The following RHOBTB1 variants were observed in gnomAD, a reference collection of about 807,000 sequenced individuals.
RHOBTB1 encodes the protein rho-related BTB domain-containing protein 1.
A neutral mutation model predicts 71.6 loss-of-function variants in RHOBTB1; 40 were observed. The observed-to-expected ratio is 0.56, with a 90% CI of 0.43 to 0.73. The LOEUF is 0.73. Ranked by LOEUF, RHOBTB1 falls within the 30% of genes least tolerant of loss-of-function variation. The pLI, the probability that RHOBTB1 is intolerant of heterozygous loss-of-function variation, is 0.00. For synonymous variants in RHOBTB1, 319 were observed against 334.9 expected (o/e 0.95, Z 0.52); for missense variants, 797 against 894.0 (o/e 0.89, Z 1.38).
chr10:60,993,698 T>C (rs2086947723), intron 1 of RHOBTB1, among the ~76,000 whole-genome samples: 1 of 152,216 alleles, frequency 6.6e-6, no homozygotes, highest in East Asian at 1.9e-4. Flanking sequence ...CTACGGTGTA[T>C]ATTTTATTAG....
At chr10:60,950,563 G>C (rs945112498) in intron 2 of RHOBTB1, among the ~76,000 whole-genome samples, 1 of 152,144 alleles carries the variant, frequency 6.6e-6, no homozygotes, top group African/African-American at 2.4e-5. Flanking sequence ...CACTAACTAG[G>C]ATGTAATTCT....
intron 2 of RHOBTB1, among the ~76,000 whole-genome samples, chr10:60,933,537 T>A (rs1404046783): frequency 1.3e-5 from 2 of 152,136 alleles, no homozygotes; most frequent in East Asian, 3.9e-4. Flanking sequence ...CTGGCCAACA[T>A]AGTGAAACTT....
intron 6 of RHOBTB1, among the ~76,000 whole-genome samples, chr10:60,887,385 T>C (rs1269376802): frequency 6.6e-6 from 1 of 152,132 alleles, no homozygotes; most frequent in Non-Finnish European, 1.5e-5. Context: ...TCCATATAAA[T>C]AGAAGTCAGG....
chr10:60,940,967 C>A (rs973053507), intron 2 of RHOBTB1, among the ~76,000 whole-genome samples: 2 of 152,162 alleles, frequency 1.3e-5, no homozygotes, highest in African/African-American at 4.8e-5. Context: ...AGGCCAGAGA[C>A]CCCACAATAA....
chr10:60,907,388 C>T (rs2082731618), intron 4 of RHOBTB1, among the ~76,000 whole-genome samples: 1 of 152,104 alleles, frequency 6.6e-6, no homozygotes, highest in South Asian at 2.1e-4. Context: ...GAGGCGCTTT[C>T]CTTGCCAAAA....
chr10:60,992,339 G>A (rs1430167048), intron 1 of RHOBTB1, among the ~76,000 whole-genome samples: 1 of 152,148 alleles, frequency 6.6e-6, no homozygotes, highest in East Asian at 1.9e-4. Flanking sequence ...TATGAAGGTA[G>A]TATTTTCCAA....
At chr10:60,893,706 C>A (rs2082032887) in intron 4 of RHOBTB1, among the ~76,000 whole-genome samples, 2 of 152,240 alleles carry the variant, frequency 1.3e-5, no homozygotes, top group Middle Eastern at 6.8e-3. Context: ...ACATGAGATA[C>A]AAAGCAGGTA....
intron 7 of RHOBTB1, among the ~76,000 whole-genome samples, chr10:60,884,534 C>A (rs1431264615): frequency 6.6e-6 from 1 of 152,148 alleles, no homozygotes; most frequent in Non-Finnish European, 1.5e-5. Flanking sequence ...AGGCTGTACT[C>A]CCATGTTAAC....
At chr10:60,978,585 G>A (rs1185786466) in intron 2 of RHOBTB1, among the ~76,000 whole-genome samples, 1 of 152,164 alleles carries the variant, frequency 6.6e-6, no homozygotes, top group African/African-American at 2.4e-5. Context: ...TAGCATGGCT[G>A]TGAGTCAGCA....
chr10:60,991,936 C>T lies in RHOBTB1; in HGVS notation c.-162-5991G>A, dbSNP rs149487925. Among the ~76,000 whole-genome samples, 293 of 152,236 alleles carry T rather than the reference C, an allele frequency of 1.9e-3. 1 individual carries two copies. Among genetic ancestry groups the T allele is most frequent in the African/African-American group, 6.6e-3 (276 of 41,520 alleles). ...GTCATTCTTTTATTGTCTGTCTTCC[C>T]CTTCTAGTCCATAGGCTAAATGGAG... On this transcript the variant is annotated intron_variant, in intron 1 of 11. Transcript: ENST00000357917.
chr10:60,997,048 C>T (rs1291249014), intron 1 of RHOBTB1, among the ~76,000 whole-genome samples: 1 of 141,778 alleles, frequency 7.1e-6, no homozygotes, highest in Non-Finnish European at 1.5e-5. Flanking sequence ...AGTCTAGTAG[C>T]CACAGCATGG....
intron 7 of RHOBTB1, among the ~76,000 whole-genome samples, chr10:60,878,705 G>A (rs941432137): frequency 6.6e-6 from 1 of 152,190 alleles, no homozygotes; most frequent in Non-Finnish European, 1.5e-5. Context: ...GTATGACTGG[G>A]TACAGGTGAA....
rs370519361 is a variant in RHOBTB1, at chr10:60,872,250, T to C, written c.1856A>G (p.His619Arg). 45 of 1,614,006 alleles carry C rather than the reference T, an allele frequency of 2.8e-5. No individual in the cohort carries two copies. The highest frequency in any genetic ancestry group is 3.7e-5 in the Non-Finnish European group (44 of 1,179,986). ...TACACTGTTGTAGTTGGTGCAGATG[T>C]GGTGCAAACACCAGGCGGCCAACTG... is the stretch of plus-strand genomic sequence containing the variant. ...AHQLAAWCLHHICTNYNSVCS... is the reference protein window; with the variant it reads ...AHQLAAWCLHRICTNYNSVCS... Residue 619 changes from histidine to arginine, a missense_variant, in exon 10 of 11, where the codon CAC becomes CGC. Transcript: ENST00000337910.
intron 1 of RHOBTB1, among the ~76,000 whole-genome samples, chr10:60,999,319 A>G (rs185714850): frequency 2.4e-4 from 36 of 152,382 alleles, no homozygotes; most frequent in African/African-American, 7.7e-4. Flanking sequence ...CATTAAGGTC[A>G]CAGCTTAACC....
intron 1 of RHOBTB1, among the ~76,000 whole-genome samples, chr10:60,992,385 A>T (rs2086898942): frequency 6.6e-6 from 1 of 152,214 alleles, no homozygotes; most frequent in South Asian, 2.1e-4. Context: ...GTATATATTG[A>T]ATAAGAGTCA....
At chr10:60,951,762 T>A (rs1331400714) in intron 2 of RHOBTB1, among the ~76,000 whole-genome samples, 1 of 147,582 alleles carries the variant, frequency 6.8e-6, no homozygotes, top group African/African-American at 2.7e-5. Flanking sequence ...TTGTTAATAA[T>A]GGTAAATGGT....
At chr10:60,866,588 G>A (rs1263697383), downstream of RHOBTB1, among the ~76,000 whole-genome samples, 1 of 151,970 alleles carries the variant, frequency 6.6e-6, no homozygotes, top group African/African-American at 2.4e-5. Context: ...TTCAAGAAAA[G>A]TAAGAAAAAA....
chr10:60,941,119 C>A (rs2084880860), intron 2 of RHOBTB1, among the ~76,000 whole-genome samples: 1 of 152,192 alleles, frequency 6.6e-6, no homozygotes, highest in Non-Finnish European at 1.5e-5. Context: ...AATTACCAAG[C>A]TATCTTAGAC....
intron 1 of RHOBTB1, among the ~76,000 whole-genome samples, chr10:60,942,959 C>A (rs963372483): frequency 6.6e-6 from 1 of 151,898 alleles, no homozygotes; most frequent in Non-Finnish European, 1.5e-5. Flanking sequence ...TCAAGCTGAG[C>A]GTCTGGCTGG....
Sources: gnomAD v4.1 joint callset for allele counts (sites outside exome capture counted in the v4.1 genomes callset) on GRCh38, gnomAD v4.1.1 for gene constraint, MANE v1.5 for transcripts, NCBI Gene and HGNC (gene_info 2026-07-23, HGNC 2026-07-21) for gene names.